Variants in EPB41L1 observed in about 807,000 individuals in gnomAD.
EPB41L1 encodes the protein erythrocyte membrane protein band 4.1 like 1.
A neutral mutation model predicts 97.8 loss-of-function variants in EPB41L1; 29 were observed. The ratio of observed to expected loss-of-function variants is 0.30; its 90% CI spans 0.22 to 0.40. The LOEUF is 0.40. Among genes scored for constraint, EPB41L1 ranks in the 10% least tolerant of loss-of-function variants. The pLI is 1.00. For synonymous variants in EPB41L1, 383 were observed against 459.2 expected (o/e 0.83, Z 2.12); for missense variants, 812 against 1,162.3 (o/e 0.70, Z 4.38).
chr20:36,225,567 G>A (rs2147167839), intron 21 of EPB41L1, among the ~76,000 whole-genome samples: 1 of 152,312 alleles, frequency 6.6e-6, no homozygotes. Context: ...CTGTTCCACT[G>A]ACTGGTGTGT....
intron 1 of EPB41L1, among the ~76,000 whole-genome samples, chr20:36,158,239 T>C (rs1266848846): frequency 2.0e-5 from 3 of 152,208 alleles, no homozygotes; most frequent in African/African-American, 4.8e-5. Flanking sequence ...TACTCTGTTT[T>C]GTTCAAGTTG....
chr20:36,184,150 G>A (rs1367056835), intron 6 of EPB41L1, among the ~76,000 whole-genome samples: 3 of 151,998 alleles, frequency 2.0e-5, no homozygotes, highest in African/African-American at 4.8e-5. Context: ...CAGGAGAATC[G>A]CTTGAACCTG....
In EPB41L1 at chr20:36,206,352, C is replaced by T. The variant is rs1341634625; in HGVS notation, c.1669-3136C>T. On this transcript the variant is annotated intron_variant, in intron 14 of 21. Coordinates refer to ENST00000338074, the MANE Select transcript of EPB41L1 (RefSeq NM_012156.2). This position sits in a 1 kb window ranked among gnomAD's most constrained non-coding sequence, Gnocchi z 5.5. ...CAGGGACCAGGCCAGCAGAGGTGGA[C>T]GTCCTCTCTCCAGCCTCCGACAAGG... 8.5e-6 allele frequency: 11 copies of T among 1,289,806 alleles called. No homozygotes were observed. The highest frequency in any genetic ancestry group is 2.1e-4 in the Middle Eastern group (1 of 4,720). The allele number at this position is 1,289,806 out of a possible 1,614,324, so 79.9% of individuals were successfully genotyped here. A position where few individuals can be genotyped will look rare whatever the true frequency, so the allele number is the denominator to read the frequency against.
intron 1 of EPB41L1, among the ~76,000 whole-genome samples, chr20:36,103,966 A>G (rs529493286): frequency 6.6e-6 from 1 of 152,098 alleles, no homozygotes; most frequent in Non-Finnish European, 1.5e-5. Flanking sequence ...GGCCTCCCAA[A>G]GTGCTGGGAT....
intron 2 of EPB41L1, among the ~76,000 whole-genome samples, chr20:36,134,852 CTTTTTTTTTTTTTT>C (rs764236552): frequency 2.8e-5 from 3 of 107,630 alleles, no homozygotes; most frequent in Non-Finnish European, 5.7e-5. Flanking sequence ...TTTTCTCTGT[CTTTTTTTTTTTTTT>C]TTTTTTTTTT....
chr20:36,230,183 C>T lies in EPB41L1; in HGVS notation c.*843C>T, dbSNP rs1447994489. 1 of 150,770 alleles carries T rather than the reference C, an allele frequency of 6.6e-6. No individual in the cohort carries two copies. The highest frequency in any genetic ancestry group is 1.5e-5 in the Non-Finnish European group (1 of 67,862). 9.3% of individuals were successfully genotyped at this position (150,770 alleles called of 1,614,324 possible). On this transcript the variant is annotated 3_prime_UTR_variant, in exon 22 of 22. Transcript: ENST00000338074. ...AAGAAAAGAAAGCAAGAACAGAAAA[C>T]GAAGCCACAGGAAGGGAAGTAGACA...
At chr20:36,202,431 C>G (rs1271029040) in intron 14 of EPB41L1, among the ~76,000 whole-genome samples, 1 of 152,150 alleles carries the variant, frequency 6.6e-6, no homozygotes, top group African/African-American at 2.4e-5. Context: ...GAACACTTCA[C>G]TCTCTTCCCA....
At chr20:36,176,630 CTTTTTTT>C (rs549487167) in intron 3 of EPB41L1, among the ~76,000 whole-genome samples, 2 of 136,772 alleles carry the variant, frequency 1.5e-5, no homozygotes, top group African/African-American at 5.4e-5. Context: ...TCTTTTTTTT[CTTTTTTT>C]TTTTTTTTTG....
At chr20:36,183,774 C>T (rs537694724) in intron 6 of EPB41L1, among the ~76,000 whole-genome samples, 3 of 152,256 alleles carry the variant, frequency 2.0e-5, no homozygotes, top group African/African-American at 4.8e-5. Flanking sequence ...ACAGAATGCC[C>T]ATAAGCCTGT....
At chr20:36,171,383 C>G (rs1173972847) in intron 1 of EPB41L1, among the ~76,000 whole-genome samples, 1 of 152,064 alleles carries the variant, frequency 6.6e-6, no homozygotes, top group Non-Finnish European at 1.5e-5. Flanking sequence ...CTTTATTTAA[C>G]TATGGCTTTA....
At chr20:36,225,069 G>A (rs950348562) in intron 21 of EPB41L1, among the ~76,000 whole-genome samples, 41 of 152,296 alleles carry the variant, frequency 2.7e-4, no homozygotes, top group Admixed American at 2.4e-3. Flanking sequence ...TGATCTGCCC[G>A]ACTCGGCCTC....
Position 36,172,522 on chromosome 20 carries a change from T to C in EPB41L1, c.-14-1242T>C, listed in dbSNP as rs74998246. ...CTGCCTTACCAACCTCTCTTAACAT[T>C]GGTAAGTATCCTTTCAGACCTTTTA... is the stretch of plus-strand genomic sequence containing the variant. On this transcript the variant is annotated intron_variant, in intron 1 of 21. Coordinates refer to ENST00000338074, the MANE Select transcript of EPB41L1 (RefSeq NM_012156.2). Among the ~76,000 whole-genome samples, 1,117 of 152,384 alleles carry C rather than the reference T, an allele frequency of 7.3e-3. 13 individuals are homozygous for C. Among genetic ancestry groups the C allele is most frequent in the African/African-American group, 0.025 (1,059 of 41,594 alleles).
intron 1 of EPB41L1, among the ~76,000 whole-genome samples, chr20:36,160,262 C>CA (rs778345306): frequency 4.5e-4 from 68 of 151,956 alleles, no homozygotes; most frequent in Non-Finnish European, 8.2e-4. Flanking sequence ...GTTTTAATTA[C>CA]AAAAAAAATT....
chr20:36,204,471 C>CTTTTTTTTTTTTTTTTTTTT (rs765673962), intron 14 of EPB41L1, among the ~76,000 whole-genome samples: 4 of 90,600 alleles, frequency 4.4e-5, no homozygotes, highest in African/African-American at 2.3e-4. Context: ...CGATCTGGTG[C>CTTTTTTTTTTTTTTTTTTTT]TTTTTTTTTT....
chr20:36,121,377 T>C (rs921316311), intron 2 of EPB41L1, among the ~76,000 whole-genome samples: 3 of 152,120 alleles, frequency 2.0e-5, no homozygotes, highest in Non-Finnish European at 4.4e-5. Context: ...ATTTTGAATT[T>C]GGAAAAATAC....
intron 21 of EPB41L1, among the ~76,000 whole-genome samples, chr20:36,225,720 C>A (rs1233677247): frequency 6.6e-6 from 1 of 152,098 alleles, no homozygotes; most frequent in Non-Finnish European, 1.5e-5. Flanking sequence ...ATCTCTTCTC[C>A]ATTCCCTCTC....
chr20:36,197,510 T>G (rs2062264181), intron 13 of EPB41L1: 2 of 402,330 alleles, frequency 5.0e-6, no homozygotes, highest in African/African-American at 4.3e-5. Context: ...CCTCTGTGAC[T>G]AAGACCGGGC....
intron 15 of EPB41L1, among the ~76,000 whole-genome samples, chr20:36,211,854 A>G (rs1334870201): frequency 2.0e-5 from 3 of 152,188 alleles, no homozygotes; most frequent in Non-Finnish European, 4.4e-5. Flanking sequence ...AGTCTGTCTC[A>G]AGAAAAAAAA....
chr20:36,190,399 A>AT lies in EPB41L1; in HGVS notation c.1124+26dup. ...GGTGAGCCTGACCTTGGATGGGGTA[A>AT]TGGGGATGGGGCAGAGGCCATGTGT... On this transcript the variant is annotated intron_variant, in intron 10 of 21. Transcript: ENST00000338074. This position sits in a 1 kb window ranked among gnomAD's most constrained non-coding sequence, Gnocchi z 5.8. 1 of 1,610,006 alleles carries AT rather than the reference A, an allele frequency of 6.2e-7. No homozygotes were observed. The highest frequency in any genetic ancestry group is 2.2e-5 in the East Asian group (1 of 44,848).
Sources: gnomAD v4.1 joint callset for allele counts (sites outside exome capture counted in the v4.1 genomes callset) on GRCh38, gnomAD v4.1.1 for gene constraint, Gnocchi (gnomAD v3.1) non-coding constraint, MANE v1.5 for transcripts, NCBI Gene and HGNC (gene_info 2026-07-23, HGNC 2026-07-21) for gene names.